Variants in FBXL18 observed in about 807,000 individuals in gnomAD.
FBXL18 encodes the protein F-box and leucine rich repeat protein 18.
In FBXL18, 36 loss-of-function variants were observed where a neutral mutation model predicts 46.0. The observed-to-expected ratio is 0.78, with a 90% CI of 0.60 to 1.03. The LOEUF is 1.03. FBXL18 is among the 50% of genes least tolerant of loss of function. The pLI is 0.00. For synonymous variants in FBXL18, 557 were observed against 465.3 expected (o/e 1.20, Z -2.54); for missense variants, 977 against 1,004.1 (o/e 0.97, Z 0.36).
chr7:5,511,405 C>T lies in FBXL18; in HGVS notation c.18+2252G>A, dbSNP rs1257797478. On this transcript the variant is annotated intron_variant, in intron 1 of 4. Coordinates refer to ENST00000382368, the MANE Select transcript of FBXL18 (RefSeq NM_024963.6). ...ACTGGCCTGACCAACATGGAGAAAC[C>T]CCGTCTCTACTAAAAATACAAAAAA... Among the ~76,000 whole-genome samples the T allele has an allele frequency of 6.6e-5, 10 of 151,912 alleles. No homozygotes were observed. The East Asian group carries it at 1.9e-3, about 29-fold the overall frequency.
rs6953642 is a variant in FBXL18 at position 5,501,138 on chromosome 7, A to C, written c.1131T>G (p.Thr377=). The C allele has an allele frequency of 0.9, 1,458,707 of 1,612,886 alleles. 660,391 individuals are homozygous for C. Among genetic ancestry groups the C allele is most frequent in the African/African-American group, 0.98 (73,361 of 75,050 alleles). The part of the protein sequence containing the change: ...EDDIDSSILE[T]LVASCCNLRH... Reference sequence around the variant, plus strand: ...GCAGGTTGCAGCAGGACGCCACCAGAGTCTCCAGGATGCTGCTGTCGATGT... The same window carrying C: ...GCAGGTTGCAGCAGGACGCCACCAGCGTCTCCAGGATGCTGCTGTCGATGT... The change falls in exon 3 of 5, where the codon ACT becomes ACG. Residue 377 remains threonine, a synonymous_variant. Transcript: ENST00000382368.
intron 4 of FBXL18, among the ~76,000 whole-genome samples, chr7:5,461,665 G>A (rs1460266342): frequency 6.6e-6 from 1 of 152,082 alleles, no homozygotes; most frequent in Non-Finnish European, 1.5e-5. Flanking sequence ...AATTGGCCAG[G>A]CGCAGTGGCT....
At chr7:5,463,728 A>ATTTTTTTTTTTTTTTTTTTTTTTTTT (rs552002078) in intron 4 of FBXL18, among the ~76,000 whole-genome samples, 12 of 53,010 alleles carry the variant, frequency 2.3e-4, no homozygotes, top group Admixed American at 8.7e-4. Flanking sequence ...TTATTTATTT[A>ATTTTTTTTTTTTTTTTTTTTTTTTTT]TTTTTTTTTT....
intron 1 of FBXL18, among the ~76,000 whole-genome samples, chr7:5,508,834 A>G (rs1784457674): frequency 6.6e-6 from 1 of 152,104 alleles, no homozygotes; most frequent in Non-Finnish European, 1.5e-5. Context: ...TTATGAAAGA[A>G]TGCCATCACA....
downstream of FBXL18, among the ~76,000 whole-genome samples, chr7:5,471,274 CA>C (rs1190618766): frequency 6.6e-6 from 1 of 152,206 alleles, no homozygotes; most frequent in Non-Finnish European, 1.5e-5. Flanking sequence ...GCTTCCAGTG[CA>C]AACCCTCGGA....
chr7:5,482,196 A>C (rs1186538570), intron 4 of FBXL18, among the ~76,000 whole-genome samples: 3 of 152,164 alleles, frequency 2.0e-5, no homozygotes, highest in African/African-American at 7.2e-5. Context: ...CATGCCAGCC[A>C]CGAGGATCAG....
chr7:5,485,268 G>C (rs1336974422), intron 4 of FBXL18, among the ~76,000 whole-genome samples: 1 of 152,172 alleles, frequency 6.6e-6, no homozygotes, highest in African/African-American at 2.4e-5. Context: ...GGGGCAGAGG[G>C]GGAGTCTCTG....
downstream of FBXL18, among the ~76,000 whole-genome samples, chr7:5,471,928 C>T (rs1783433842): frequency 6.6e-6 from 1 of 152,112 alleles, no homozygotes; most frequent in Non-Finnish European, 1.5e-5. Flanking sequence ...GCCTGGGCAA[C>T]ACAGTAAGAC....
chr7:5,457,033 G>T (rs904841161), intron 4 of FBXL18, among the ~76,000 whole-genome samples: 1 of 152,318 alleles, frequency 6.6e-6, no homozygotes, highest in Middle Eastern at 3.4e-3. Context: ...CAAAGTGCTG[G>T]GATTACAGAC....
intron 1 of FBXL18, among the ~76,000 whole-genome samples, chr7:5,510,754 G>A (rs1784512566): frequency 6.6e-6 from 1 of 151,336 alleles, no homozygotes; most frequent in African/African-American, 2.4e-5. Flanking sequence ...CTCCCACAGG[G>A]CCTGGACTCC....
chr7:5,468,947 T>A (rs1382959514), intron 4 of FBXL18, among the ~76,000 whole-genome samples: 1 of 151,718 alleles, frequency 6.6e-6, no homozygotes, highest in Non-Finnish European at 1.5e-5. Context: ...ACTAGGTGTA[T>A]AAAATTAATC....
At chr7:5,471,026 G>C (rs534466851), downstream of FBXL18, among the ~76,000 whole-genome samples, 1 of 152,178 alleles carries the variant, frequency 6.6e-6, no homozygotes, top group Non-Finnish European at 1.5e-5. Context: ...TGTGCGACAC[G>C]CTAACCACCA....
At chr7:5,489,964 A>G in intron 4 of FBXL18, 1 of 1,274,620 alleles carries the variant, frequency 7.8e-7, no homozygotes, top group Non-Finnish European at 1.0e-6. Flanking sequence ...AACAAGAAAA[A>G]AGATTGATGC....
chr7:5,488,597 G>T (rs1198393453), intron 4 of FBXL18, among the ~76,000 whole-genome samples: 1 of 152,196 alleles, frequency 6.6e-6, no homozygotes. Context: ...CAGAAGAGAG[G>T]CAACGCCCAC....
chr7:5,502,163 C>T, intron 2 of FBXL18, 132 bp from the exon 3 acceptor site: 2 of 608,346 alleles, frequency 3.3e-6, no homozygotes, highest in Non-Finnish European at 5.7e-6. Context: ...CCTCTCGCTG[C>T]CTACCTGCCC....
intron 4 of FBXL18, among the ~76,000 whole-genome samples, chr7:5,482,804 G>A (rs142972014): frequency 8.5e-5 from 13 of 152,276 alleles, no homozygotes; most frequent in African/African-American, 3.1e-4. Flanking sequence ...GGGAGGCTGA[G>A]GTGGGAGGAT....
At chr7:5,507,074 C>A (rs961768177) in intron 1 of FBXL18, among the ~76,000 whole-genome samples, 1 of 152,130 alleles carries the variant, frequency 6.6e-6, no homozygotes, top group Admixed American at 6.6e-5. Context: ...AAAGACCACG[C>A]CGAGGAGAGA....
At chr7:5,488,399 G>T (rs1783829818) in intron 4 of FBXL18, among the ~76,000 whole-genome samples, 2 of 152,238 alleles carry the variant, frequency 1.3e-5, no homozygotes, top group Admixed American at 6.5e-5. Context: ...CGAGGGTGGG[G>T]CGGGGGGCTG....
intron 2 of FBXL18, among the ~76,000 whole-genome samples, chr7:5,504,751 T>A (rs1784350607): frequency 6.7e-6 from 1 of 148,266 alleles, no homozygotes; most frequent in African/African-American, 2.5e-5. Flanking sequence ...CCGTCTCTAC[T>A]AAAAATACAA....
Sources: gnomAD v4.1 joint callset for allele counts (sites outside exome capture counted in the v4.1 genomes callset) on GRCh38, gnomAD v4.1.1 for gene constraint, MANE v1.5 for transcripts, NCBI Gene and HGNC (gene_info 2026-07-23, HGNC 2026-07-21) for gene names.